MEGF11: variants seen among roughly 807,000 people sequenced by gnomAD.
MEGF11 encodes multiple epidermal growth factor-like domains protein 11.
A neutral mutation model predicts 146.6 loss-of-function variants in MEGF11; 126 were observed. The ratio of observed to expected loss-of-function variants is 0.86; its 90% CI spans 0.74 to 1.00. The LOEUF (loss-of-function observed/expected upper bound fraction) is 1.00, where lower values mean the gene tolerates loss of function less well. MEGF11 is among the 50% of genes least tolerant of loss of function. MEGF11 has a pLI of 0.00. For missense variants in MEGF11, 1,509 were observed against 1,521.2 expected, an observed-to-expected ratio of 0.99 and a Z score of 0.13; for synonymous variants, 532 against 583.4, an observed-to-expected ratio of 0.91 and a Z score of 1.27.
rs767216998 is a variant in MEGF11 at position 65,916,851 on chromosome 15, C to T, written c.2192G>A (p.Trp731Ter). 1 of 1,604,148 alleles carries T rather than the reference C, an allele frequency of 6.2e-7. No individual in the cohort carries two copies. The highest frequency in any genetic ancestry group is 8.5e-7 in the Non-Finnish European group (1 of 1,173,414). ...ACGCTGTGTGCAGAAGAGTCCAGTCCAGCCAGGGGTGCAGTGGCAGGCCCC... is the reference window on the plus strand; with the variant it reads ...ACGCTGTGTGCAGAAGAGTCCAGTCTAGCCAGGGGTGCAGTGGCAGGCCCC... Reference protein sequence around the residue: ...EDGACHCTPGWTGLFCTQRCP... With the variant: ...EDGACHCTPG The change falls in exon 17 of 26, where the codon TGG becomes TAG. Residue 731 changes from tryptophan to a stop codon, truncating the protein, a stop_gained. Coordinates refer to ENST00000395614, the MANE Select transcript of MEGF11 (RefSeq NM_001385028.1). LOFTEE classifies it high-confidence loss of function.
At chr15:65,935,050 A>T (rs905787129) in intron 10 of MEGF11, among the ~76,000 whole-genome samples, 1 of 152,048 alleles carries the variant, frequency 6.6e-6, no homozygotes, top group Non-Finnish European at 1.5e-5. Context: ...GCTGGGCGTG[A>T]TGGCTCAGGC....
At chr15:66,100,822 C>T (rs570400925) in intron 4 of MEGF11, among the ~76,000 whole-genome samples, 47 of 124,264 alleles carry the variant, frequency 3.8e-4, no homozygotes, top group African/African-American at 1.1e-3. Context: ...GAAAGGGAGA[C>T]GGCACCTGAA....
At chr15:66,222,813 G>A (rs2091768357) in intron 1 of MEGF11, among the ~76,000 whole-genome samples, 1 of 152,188 alleles carries the variant, frequency 6.6e-6, no homozygotes, top group Non-Finnish European at 1.5e-5. Context: ...CACTAGGATG[G>A]TTACAATCAA....
chr15:66,203,245 G>A (rs1369124893), intron 1 of MEGF11, among the ~76,000 whole-genome samples: 6 of 152,140 alleles, frequency 3.9e-5, no homozygotes, highest in African/African-American at 9.7e-5. Context: ...GGAGAGCATC[G>A]GGCCACTGAT....
Position 66,094,409 on chromosome 15 carries a change from G to C in MEGF11, c.387C>G (p.Cys129Trp). ...CCCAAACCCCAGACTCACCGCTGGA[G>C]CAGTCGGGCCCTCCCCAGCCAGGCT... ...HCEPGWGGPDCSSGCDSDHWG... is the reference protein window; with the variant it reads ...HCEPGWGGPDWSSGCDSDHWG... Residue 129 changes from cysteine to tryptophan, a missense_variant, in exon 5 of 26, where the codon TGC becomes TGG. By Grantham distance (215) the Cys-to-Trp change is radical. Transcript: ENST00000395614. The C allele has an allele frequency of 6.4e-7, 1 of 1,557,214 alleles. No homozygotes were observed.
chr15:66,031,159 G>A (rs1044990570), intron 5 of MEGF11, among the ~76,000 whole-genome samples: 1 of 152,070 alleles, frequency 6.6e-6, no homozygotes, highest in East Asian at 1.9e-4. Flanking sequence ...CTTTTGATGG[G>A]GTCTGTCTTC....
At chr15:66,188,317 G>C (rs2090767689) in intron 1 of MEGF11, among the ~76,000 whole-genome samples, 1 of 150,828 alleles carries the variant, frequency 6.6e-6, no homozygotes, top group Non-Finnish European at 1.5e-5. Flanking sequence ...CTGTAAGTCT[G>C]AAATGATTTC....
intron 2 of MEGF11, among the ~76,000 whole-genome samples, chr15:66,127,729 C>T (rs577469439): frequency 6.6e-6 from 1 of 152,304 alleles, no homozygotes; most frequent in South Asian, 2.1e-4. Context: ...GGACCCGGCC[C>T]ATTCCCCCAG....
intron 16 of MEGF11, 114 bp from the exon 17 acceptor site, chr15:65,917,070 C>T (rs2141226612): frequency 1.7e-6 from 2 of 1,174,204 alleles, no homozygotes; most frequent in Non-Finnish European, 2.3e-6. Context: ...ACCTGGCTGA[C>T]ATTTCCTGGC....
intron 1 of MEGF11, among the ~76,000 whole-genome samples, chr15:66,227,170 G>A (rs1378774943): frequency 3.9e-5 from 6 of 152,054 alleles, no homozygotes; most frequent in Non-Finnish European, 7.4e-5. Context: ...TAGAAAATAA[G>A]CTGGGGTTCT....
intron 1 of MEGF11, among the ~76,000 whole-genome samples, chr15:66,227,943 A>G (rs28695263): frequency 0.48 from 72,361 of 151,864 alleles, 18,141 homozygotes; most frequent in Non-Finnish European, 0.57. Flanking sequence ...CCAATGACAC[A>G]TGCCAGGGCA....
intron 5 of MEGF11, among the ~76,000 whole-genome samples, chr15:66,090,256 G>T (rs922774513): frequency 6.6e-6 from 1 of 152,160 alleles, no homozygotes; most frequent in Non-Finnish European, 1.5e-5. Flanking sequence ...CAGGGAGTTG[G>T]ATGATGGATC....
At chr15:66,243,265 G>A (rs543140848) in intron 1 of MEGF11, among the ~76,000 whole-genome samples, 175 of 152,294 alleles carry the variant, frequency 1.1e-3, no homozygotes, top group African/African-American at 3.9e-3. Context: ...CCAGGTTGAC[G>A]GTTGCCCATG....
At chr15:65,990,405 G>C (rs1013568403) in intron 5 of MEGF11, among the ~76,000 whole-genome samples, 8 of 151,796 alleles carry the variant, frequency 5.3e-5, no homozygotes, top group African/African-American at 1.9e-4. Flanking sequence ...ATAAAAATTA[G>C]CTTGGTGTGG....
intron 5 of MEGF11, among the ~76,000 whole-genome samples, chr15:65,987,204 G>A (rs2081892094): frequency 6.6e-6 from 1 of 152,214 alleles, no homozygotes; most frequent in Non-Finnish European, 1.5e-5. Flanking sequence ...GCCAAGTCAT[G>A]AGATAAAGGT....
intron 1 of MEGF11, among the ~76,000 whole-genome samples, chr15:66,206,240 G>A (rs1008114190): frequency 1.3e-5 from 2 of 152,092 alleles, no homozygotes; most frequent in Non-Finnish European, 2.9e-5. Flanking sequence ...GAATAACAGG[G>A]AGAAAACAGA....
Position 65,982,407 on chromosome 15 carries a change from C to T in MEGF11, c.476G>A (p.Gly159Asp). The stretch of plus-strand genomic sequence containing the variant: ...GAAGCCGGCGGCGCACACGCAGGCG[C>T]CTGTGATGGGGTTACACAGGGCGCC... ...QNGALCNPIT[G>D]ACVCAAGFRG... The change falls in exon 6 of 26, where the codon GGC becomes GAC. Residue 159 changes from glycine (G) to aspartate (D), a missense_variant. Gly to Asp is a moderately conservative substitution (Grantham distance 94). Transcript: ENST00000395614. This position sits in a 1 kb window ranked among gnomAD's most constrained non-coding sequence, Gnocchi z 5.6. The T allele has an allele frequency of 6.5e-7, 1 of 1,535,038 alleles. No individual in the cohort carries two copies.
intron 5 of MEGF11, among the ~76,000 whole-genome samples, chr15:66,042,107 CTTTT>C (rs199704077): frequency 0.92 from 131,881 of 143,134 alleles, 61,253 homozygotes; most frequent in East Asian, 0.99. Flanking sequence ...ATTTCTTTCC[CTTTT>C]TTTTTTTTTT....
chr15:65,987,723 A>T (rs905617419), intron 5 of MEGF11, among the ~76,000 whole-genome samples: 3 of 151,798 alleles, frequency 2.0e-5, no homozygotes, highest in African/African-American at 7.3e-5. Context: ...TATTATTTTT[A>T]TTTTTTTGAC....
Sources: gnomAD v4.1 joint callset for allele counts (sites outside exome capture counted in the v4.1 genomes callset) on GRCh38, gnomAD v4.1.1 for gene constraint, Gnocchi (gnomAD v3.1) non-coding constraint, MANE v1.5 for transcripts, NCBI Gene and HGNC (gene_info 2026-07-23, HGNC 2026-07-21) for gene names.